The following OTOGL variants were observed in gnomAD, a reference collection of about 807,000 sequenced individuals.
OTOGL encodes the protein otogelin-like protein.
In OTOGL, 285 loss-of-function variants were observed where a neutral mutation model predicts 318.5. That is an observed-to-expected ratio of 0.89 (90% CI 0.81 to 0.99). OTOGL has a LOEUF of 0.99. Ranked by LOEUF, OTOGL falls within the 50% of genes least tolerant of loss-of-function variation. The pLI is 0.00. For missense variants in OTOGL, 2,899 were observed against 2,845.6 expected, an observed-to-expected ratio of 1.02 and a Z score of -0.43; for synonymous variants, 987 against 936.5, an observed-to-expected ratio of 1.05 and a Z score of -0.99.
At chr12:80,121,112 T>G (rs1239267665) in intron 1 of OTOGL, among the ~76,000 whole-genome samples, 1 of 152,170 alleles carries the variant, frequency 6.6e-6, no homozygotes, top group Admixed American at 6.6e-5. Flanking sequence ...GGCTGAGGCC[T>G]CTGTTACAAC....
At chr12:80,349,089 A>G (rs1456079027) in intron 44 of OTOGL, among the ~76,000 whole-genome samples, 2 of 69,674 alleles carry the variant, frequency 2.9e-5, no homozygotes, top group Admixed American at 1.8e-4. Context: ...TAAGTAGAGA[A>G]GGGATACTTT....
intron 1 of OTOGL, among the ~76,000 whole-genome samples, chr12:80,127,844 C>A (rs1371703208): frequency 6.6e-6 from 1 of 152,182 alleles, no homozygotes; most frequent in African/African-American, 2.4e-5. Context: ...GCTACTGAGG[C>A]TTGTGCATGC....
intron 1 of OTOGL, among the ~76,000 whole-genome samples, chr12:80,207,393 C>T (rs529350680): frequency 2.6e-5 from 4 of 151,948 alleles, no homozygotes; most frequent in East Asian, 3.9e-4. Context: ...TTAGTAGAGA[C>T]GGGGTTTTTC....
intron 8 of OTOGL, among the ~76,000 whole-genome samples, chr12:80,231,345 T>C (rs933730724): frequency 5.3e-5 from 8 of 152,184 alleles, no homozygotes; most frequent in African/African-American, 1.9e-4. Flanking sequence ...TTTAAACATT[T>C]AGCTATTTTT....
intron 52 of OTOGL, chr12:80,366,373 G>C (rs1028224096): frequency 2.1e-6 from 1 of 466,170 alleles, no homozygotes; most frequent in Non-Finnish European, 4.3e-6. Flanking sequence ...TGTTGTCTTT[G>C]ATTGCCCTAC....
At chr12:80,224,634 C>T (rs748104836) in intron 7 of OTOGL, among the ~76,000 whole-genome samples, 2 of 152,018 alleles carry the variant, frequency 1.3e-5, no homozygotes, top group Non-Finnish European at 2.9e-5. Flanking sequence ...CTTTCACCTC[C>T]TTGATTAAAT....
chr12:80,352,571 A>G (rs1291008092), intron 45 of OTOGL, 135 bp downstream of exon 45: 2 of 734,620 alleles, frequency 2.7e-6, no homozygotes, highest in Non-Finnish European at 4.1e-6. Flanking sequence ...TATGACAAAC[A>G]CAAGTTACAT....
intron 57 of OTOGL, among the ~76,000 whole-genome samples, chr12:80,374,968 C>T (rs1371667538): frequency 6.6e-6 from 1 of 152,108 alleles, no homozygotes; most frequent in African/African-American, 2.4e-5. Context: ...AGAAGCTGAT[C>T]ATAGTAGTAA....
intron 26 of OTOGL, among the ~76,000 whole-genome samples, chr12:80,294,148 G>T (rs929831526): frequency 6.6e-6 from 1 of 151,976 alleles, no homozygotes; most frequent in South Asian, 2.1e-4. Flanking sequence ...TAACAACTCT[G>T]TGGCATTATT....
At chr12:80,367,139 G>A (rs1890590038) in intron 53 of OTOGL, among the ~76,000 whole-genome samples, 1 of 41,930 alleles carries the variant, frequency 2.4e-5, no homozygotes, top group Non-Finnish European at 4.6e-5. Flanking sequence ...ACCATACCCA[G>A]CTTTTTTTTT....
intron 1 of OTOGL, among the ~76,000 whole-genome samples, chr12:80,140,964 T>C (rs1871897786): frequency 6.6e-6 from 1 of 152,156 alleles, no homozygotes; most frequent in Non-Finnish European, 1.5e-5. Flanking sequence ...CAAATATACC[T>C]TCAGAAAAGT....
chr12:80,262,106 T>A lies in OTOGL; in HGVS notation c.2014+13T>A. The stretch of plus-strand genomic sequence containing the variant: ...AATCAACAAAACAGTAAGTTTTGCA[T>A]GTAAACTTCCTTTCTGCTGTAAACT... On this transcript the variant is annotated intron_variant, in intron 19 of 58. Transcript: ENST00000547103. The A allele has an allele frequency of 6.3e-7, 1 of 1,599,706 alleles. No homozygotes were observed. Among genetic ancestry groups the A allele is most frequent in the Non-Finnish European group, 8.5e-7 (1 of 1,171,938 alleles).
At chr12:80,200,107 G>A (rs917136562) in intron 1 of OTOGL, among the ~76,000 whole-genome samples, 3 of 152,130 alleles carry the variant, frequency 2.0e-5, no homozygotes, top group Non-Finnish European at 4.4e-5. Context: ...GTCAAATACT[G>A]CATGTGAGCC....
intron 1 of OTOGL, among the ~76,000 whole-genome samples, chr12:80,114,003 G>T (rs1183445203): frequency 6.6e-6 from 1 of 151,604 alleles, no homozygotes; most frequent in Non-Finnish European, 1.5e-5. Context: ...GAGCCTATGT[G>T]TGTCTTTGCA....
intron 1 of OTOGL, among the ~76,000 whole-genome samples, chr12:80,182,955 C>G (rs142001671): frequency 6.6e-6 from 1 of 152,170 alleles, no homozygotes; most frequent in Non-Finnish European, 1.5e-5. Context: ...CCATGTGGAA[C>G]TTTTGTACAA....
intron 29 of OTOGL, 77 bp from the exon 30 acceptor site, chr12:80,310,534 G>A: frequency 1.1e-6 from 1 of 943,742 alleles, no homozygotes; most frequent in Non-Finnish European, 1.6e-6. Context: ...ATTGTAATGA[G>A]TGAAGTTGGG....
intron 24 of OTOGL, among the ~76,000 whole-genome samples, chr12:80,276,568 C>T (rs1210459409): frequency 6.6e-6 from 1 of 151,462 alleles, no homozygotes; most frequent in African/African-American, 2.4e-5. Context: ...TAAAAGATTG[C>T]ATCGAATTGA....
At chr12:80,203,720 C>T (rs1355899786) in intron 1 of OTOGL, among the ~76,000 whole-genome samples, 1 of 152,162 alleles carries the variant, frequency 6.6e-6, no homozygotes, top group Admixed American at 6.5e-5. Flanking sequence ...TGGAATCTGT[C>T]AGCACTCTCA....
At chr12:80,261,714 G>A (rs1454555818) in intron 18 of OTOGL, among the ~76,000 whole-genome samples, 2 of 151,992 alleles carry the variant, frequency 1.3e-5, no homozygotes, top group Non-Finnish European at 2.9e-5. Flanking sequence ...GTAAAATGGG[G>A]ATAAAAGATG....
Sources: gnomAD v4.1 joint callset for allele counts (sites outside exome capture counted in the v4.1 genomes callset) on GRCh38, gnomAD v4.1.1 for gene constraint, MANE v1.5 for transcripts, NCBI Gene and HGNC (gene_info 2026-07-23, HGNC 2026-07-21) for gene names.